APAF1: variants seen among roughly 807,000 people sequenced by gnomAD.
APAF1 encodes the protein apoptotic protease-activating factor 1.
In APAF1, 91 loss-of-function variants were observed where a neutral mutation model predicts 152.4. That is an observed-to-expected ratio of 0.60 (90% confidence interval 0.50 to 0.71). The LOEUF (loss-of-function observed/expected upper bound fraction) is 0.71. Ranked by LOEUF, APAF1 falls within the 30% of genes least tolerant of loss-of-function variation. APAF1 has a pLI of 0.00. For missense variants in APAF1, 1,283 were observed against 1,472.0 expected (o/e 0.87, Z 2.10); for synonymous variants, 484 against 494.1 (o/e 0.98, Z 0.27).
intron 22 of APAF1, among the ~76,000 whole-genome samples, chr12:98,721,050 T>C (rs1309832421): frequency 6.6e-6 from 1 of 152,184 alleles, no homozygotes; most frequent in Non-Finnish European, 1.5e-5. Context: ...TACAAGTATA[T>C]ATACATTGCA....
At chr12:98,673,583 T>C (rs1243682159) in intron 12 of APAF1, among the ~76,000 whole-genome samples, 1 of 152,182 alleles carries the variant, frequency 6.6e-6, no homozygotes, top group East Asian at 1.9e-4. Context: ...TATATCTAAA[T>C]AGAAGTCCAG....
chr12:98,723,458 A>G (rs2097745949), intron 23 of APAF1, 146 bp downstream of exon 23: 3 of 1,032,242 alleles, frequency 2.9e-6, no homozygotes, highest in Admixed American at 2.2e-5. Flanking sequence ...AATTGCAGTC[A>G]CCTACATCTG....
intron 5 of APAF1, among the ~76,000 whole-genome samples, chr12:98,659,790 A>C (rs921257521): frequency 2.0e-5 from 3 of 151,066 alleles, no homozygotes; most frequent in Non-Finnish European, 4.4e-5. Flanking sequence ...AAAGAAAGAA[A>C]GAACCATTGC....
intron 9 of APAF1, among the ~76,000 whole-genome samples, chr12:98,666,583 A>G (rs1011572618): frequency 2.6e-5 from 4 of 152,274 alleles, no homozygotes; most frequent in South Asian, 2.1e-4. Flanking sequence ...GTCCAGGCCA[A>G]TTTAGGATCC....
intron 17 of APAF1, 59 bp downstream of exon 17, chr12:98,699,628 A>G (rs2097713220): frequency 1.3e-6 from 2 of 1,584,240 alleles, no homozygotes; most frequent in Non-Finnish European, 1.7e-6. Flanking sequence ...ACTTCTGTTC[A>G]TTTTTGCATT....
In APAF1 at chr12:98,717,097, T is replaced by C. The variant is rs184106924; in HGVS notation, c.3084+1545T>C. On this transcript the variant is annotated intron_variant, in intron 22 of 26. Coordinates refer to ENST00000551964, the MANE Select transcript of APAF1 (RefSeq NM_181861.2). ...GCTGGCCAGGCTGGTCTTGAACTCC[T>C]GACCTTGTGATCCGCCCGCCTCGGC... Among the ~76,000 whole-genome samples, 32 of 152,038 alleles carry C rather than the reference T, an allele frequency of 2.1e-4. No homozygotes were observed. In the East Asian group the frequency reaches 5.8e-3, roughly 28 times the overall value.
At chr12:98,659,465 A>T in intron 5 of APAF1, 122 bp downstream of exon 5, 2 of 1,123,624 alleles carry the variant, frequency 1.8e-6, no homozygotes, top group Non-Finnish European at 2.7e-6. Flanking sequence ...AGAGAGAACC[A>T]TTGCGGCCAG....
intron 21 of APAF1, among the ~76,000 whole-genome samples, chr12:98,714,878 A>G (rs2097732239): frequency 6.9e-6 from 1 of 144,728 alleles, no homozygotes; most frequent in Non-Finnish European, 1.5e-5. Flanking sequence ...TATCTTTTGA[A>G]TTTGTTACTA....
intron 21 of APAF1, chr12:98,712,722 C>A: frequency 2.9e-6 from 1 of 343,448 alleles, no homozygotes; most frequent in Non-Finnish European, 5.4e-6. Flanking sequence ...CTGTGTTGCC[C>A]AGGCTGGTCT....
intron 26 of APAF1, among the ~76,000 whole-genome samples, chr12:98,727,548 A>C (rs1239508390): frequency 1.9e-3 from 4 of 2,112 alleles, no homozygotes; most frequent in African/African-American, 0.015. Context: ...TCCTGTCTCA[A>C]AAAAAAAAAA....
Position 98,701,593 on chromosome 12 carries a change from A to G in APAF1, c.2467-1778A>G, listed in dbSNP as rs183945945. On this transcript the variant is annotated intron_variant, in intron 17 of 26. Transcript: ENST00000551964. ...TGGTTTGATTTGTGTTTTCCCAATT[A>G]CCAATGATGTTGAACAAAAGATAAT... 3.6e-3 allele frequency among the ~76,000 whole-genome samples: 555 copies of G among 152,358 alleles called. 9 individuals are homozygous for G. Among genetic ancestry groups the G allele is most frequent in the Admixed American group, 0.02 (313 of 15,306 alleles).
At chr12:98,661,506 C>T (rs1348501834) in intron 5 of APAF1, among the ~76,000 whole-genome samples, 4 of 151,714 alleles carry the variant, frequency 2.6e-5, no homozygotes, top group Non-Finnish European at 4.4e-5. Flanking sequence ...GATGGAGTTT[C>T]GCTCTTGTTG....
At chr12:98,712,647 G>T in intron 21 of APAF1, 1 of 531,312 alleles carries the variant, frequency 1.9e-6, no homozygotes, top group Admixed American at 3.1e-5. Context: ...CTCCTGAGTA[G>T]CTGGGACTAA....
chr12:98,711,492 T>A (rs1234178899), intron 20 of APAF1, among the ~76,000 whole-genome samples: 1 of 152,228 alleles, frequency 6.6e-6, no homozygotes, highest in Non-Finnish European at 1.5e-5. Flanking sequence ...TAGATCAAAA[T>A]GTGCTATGTA....
At chr12:98,647,136 G>A (rs995296101) in intron 1 of APAF1, among the ~76,000 whole-genome samples, 3 of 151,778 alleles carry the variant, frequency 2.0e-5, no homozygotes, top group Non-Finnish European at 4.4e-5. Context: ...AGTAGAGGCC[G>A]GGCATGGTGG....
chr12:98,683,052 A>G, intron 14 of APAF1, 91 bp from the exon 15 acceptor site: 1 of 968,054 alleles, frequency 1.0e-6, no homozygotes. Flanking sequence ...AGGATAAGAT[A>G]GCATTTGCAA....
At chr12:98,672,153 T>TTTTATTTATTTA (rs72354759) in intron 12 of APAF1, among the ~76,000 whole-genome samples, 1 of 150,460 alleles carries the variant, frequency 6.6e-6, no homozygotes, top group Admixed American at 6.6e-5. Flanking sequence ...TCCATGAAGA[T>TTTTATTTATTTA]TTTATTTATT....
intron 22 of APAF1, among the ~76,000 whole-genome samples, chr12:98,719,960 A>G (rs1304113233): frequency 6.6e-6 from 1 of 152,200 alleles, no homozygotes; most frequent in Non-Finnish European, 1.5e-5. Context: ...AAGCAGTATG[A>G]TTGCAATGAA....
At chr12:98,691,201 G>A (rs527580406) in intron 16 of APAF1, among the ~76,000 whole-genome samples, 262 of 151,668 alleles carry the variant, frequency 1.7e-3, no homozygotes, top group Non-Finnish European at 2.8e-3. Context: ...GCGAGACTCC[G>A]TCTTGAAAAA....
Sources: gnomAD v4.1 joint callset for allele counts (sites outside exome capture counted in the v4.1 genomes callset) on GRCh38, gnomAD v4.1.1 for gene constraint, MANE v1.5 for transcripts, NCBI Gene and HGNC (gene_info 2026-07-23, HGNC 2026-07-21) for gene names.